The following CCDC57 variants were observed in gnomAD, a reference collection of about 807,000 sequenced individuals.
The protein encoded by CCDC57 is coiled-coil domain containing 57, also known as coiled-coil domain-containing protein 57.
CCDC57 carries 118 observed loss-of-function variants against 118.9 expected under a neutral mutation model. The ratio of observed to expected loss-of-function variants is 0.99; its 90% CI spans 0.86 to 1.16. CCDC57 has a LOEUF of 1.16. CCDC57 is among the 50% of genes most tolerant of loss of function. CCDC57 has a pLI of 0.00. For synonymous variants in CCDC57, 527 were observed against 532.9 expected (o/e 0.99, Z 0.15); for missense variants, 1,300 against 1,320.7 (o/e 0.98, Z 0.24).
intron 19 of CCDC57, chr17:82,107,585 A>G: frequency 2.1e-6 from 1 of 470,816 alleles, no homozygotes; most frequent in Non-Finnish European, 4.4e-6. Context: ...GGATGGGCGG[A>G]TGGAGTTGGT....
At chr17:82,183,014 CACTT>C (rs757907845) in intron 9 of CCDC57, among the ~76,000 whole-genome samples, 3 of 152,186 alleles carry the variant, frequency 2.0e-5, no homozygotes, top group South Asian at 4.1e-4. Flanking sequence ...CATCAGAACT[CACTT>C]ACTATCATAA....
intron 9 of CCDC57, among the ~76,000 whole-genome samples, chr17:82,180,929 C>G (rs567800978): frequency 6.6e-6 from 1 of 152,232 alleles, no homozygotes; most frequent in Non-Finnish European, 1.5e-5. Flanking sequence ...GATGAACACA[C>G]GAGCGGTGCG....
chr17:82,144,569 G>C (rs2040458586), intron 16 of CCDC57, among the ~76,000 whole-genome samples: 1 of 127,150 alleles, frequency 7.9e-6, no homozygotes, highest in African/African-American at 2.9e-5. Flanking sequence ...CAGGCTCCTG[G>C]AAGACCCCAC....
rs546236202 is a variant in CCDC57, at chr17:82,101,605, A to C, written c.*77T>G. On this transcript the variant is annotated 3_prime_UTR_variant, in exon 20 of 20. Transcript: ENST00000665763. ...CTGCACGCTGTGCCCACACCCCCCC[A>C]CAACACGTAGGTGAAAGCACAGGCA... 2.7e-5 allele frequency: 34 copies of C among 1,264,050 alleles called. No homozygotes were observed. In the East Asian group the frequency reaches 2.9e-4, roughly 11 times the overall value. 78.3% of individuals were successfully genotyped at this position (1,264,050 alleles called of 1,614,324 possible).
chr17:82,170,482 T>C (rs927217448), intron 13 of CCDC57, among the ~76,000 whole-genome samples: 1 of 131,890 alleles, frequency 7.6e-6, no homozygotes. Flanking sequence ...CACTCCACCC[T>C]GGGCAACAGA....
In CCDC57 at chr17:82,172,806, T is replaced by A. The variant is rs1211260456; in HGVS notation, c.1561A>T (p.Ile521Phe). The change falls in exon 12 of 20, where the codon ATC becomes TTC. Residue 521 changes from isoleucine to phenylalanine, a missense_variant. Ile to Phe is a conservative substitution (Grantham distance 21). Coordinates refer to ENST00000665763, the Ensembl canonical transcript of CCDC57. This position sits in a 1 kb window ranked among gnomAD's most constrained non-coding sequence, Gnocchi z 5.2. ...GTGTTCTGCTCTCGGAGCCGCTGGATCTCACTGGATGGAAAGTCTTTACTT... is the reference window on the plus strand; with the variant it reads ...GTGTTCTGCTCTCGGAGCCGCTGGAACTCACTGGATGGAAAGTCTTTACTT... 1 of 1,613,614 alleles carries A rather than the reference T, an allele frequency of 6.2e-7. No individual in the cohort carries two copies. Among genetic ancestry groups the A allele is most frequent in the Non-Finnish European group, 8.5e-7 (1 of 1,179,774 alleles).
intron 9 of CCDC57, among the ~76,000 whole-genome samples, chr17:82,182,281 C>CA (rs35054649): frequency 0.25 from 32,167 of 126,982 alleles, 3,931 homozygotes; most frequent in East Asian, 0.45. Context: ...AAGTATTTAA[C>CA]AAAAAAAAAA....
At chr17:82,140,457 C>G (rs9899318) in intron 16 of CCDC57, among the ~76,000 whole-genome samples, 70,643 of 151,530 alleles carry the variant, frequency 0.47, 17,195 homozygotes, top group East Asian at 0.88. Flanking sequence ...CTGACCTCAG[C>G]TGATCCATCG....
intron 2 of CCDC57, 118 bp from the exon 2 acceptor site, chr17:82,202,070 C>T: frequency 9.7e-7 from 1 of 1,033,988 alleles, no homozygotes; most frequent in Non-Finnish European, 1.4e-6. Flanking sequence ...GTGGCTCACA[C>T]CTGTAATCCC....
chr17:82,161,094 A>G (rs1329767497), intron 14 of CCDC57, among the ~76,000 whole-genome samples: 2 of 152,186 alleles, frequency 1.3e-5, no homozygotes, highest in South Asian at 2.1e-4. Context: ...ACCAAGACGC[A>G]CATGAGACGA....
At chr17:82,178,726 C>A in intron 10 of CCDC57, 121 bp from the exon 10 acceptor site, 1 of 1,414,690 alleles carries the variant, frequency 7.1e-7, no homozygotes, top group South Asian at 1.4e-5. Context: ...CCACTGTGGC[C>A]AGGCCGCCAA....
chr17:82,204,906 C>T (rs1444221114), intron 2 of CCDC57, among the ~76,000 whole-genome samples: 5 of 152,222 alleles, frequency 3.3e-5, no homozygotes, highest in African/African-American at 9.6e-5. Context: ...GCTCTGTCTG[C>T]AAGGTTCCTC....
chr17:82,172,661 G>C lies in CCDC57; in HGVS notation c.1706C>G (p.Ala569Gly). 6.4e-7 allele frequency: 1 copy of C among 1,551,812 alleles called. No homozygotes were observed. The highest frequency in any genetic ancestry group is 1.2e-5 in the South Asian group (1 of 84,126). The change falls in exon 12 of 20, where the codon GCT (alanine) becomes GGT (glycine). Residue 569 changes from alanine to glycine, a missense_variant. Physicochemically the swap from Ala to Gly is moderately conservative, Grantham distance 60. Coordinates refer to ENST00000665763, the Ensembl canonical transcript of CCDC57. This position sits in a 1 kb window ranked among gnomAD's most constrained non-coding sequence, Gnocchi z 5.2. ...ACCAGGAGTGGCGGCATCTCCCCCA[G>C]CCTCTGGGTCAGGCTGGTTTGCATC...
intron 19 of CCDC57, chr17:82,127,010 C>T (rs146960942): frequency 3.1e-5 from 31 of 985,304 alleles, no homozygotes; most frequent in African/African-American, 1.2e-4. Flanking sequence ...TTCCCTCCCC[C>T]CTTCTCGCTA....
At chr17:82,119,018 G>A (rs2036290394) in intron 19 of CCDC57, among the ~76,000 whole-genome samples, 1 of 149,160 alleles carries the variant, frequency 6.7e-6, no homozygotes, top group African/African-American at 2.5e-5. Context: ...ATTGCTGAAT[G>A]GTTCTTTCTT....
intron 4 of CCDC57, among the ~76,000 whole-genome samples, chr17:82,196,944 CGTG>C (rs2048375400): frequency 6.9e-6 from 1 of 144,816 alleles, no homozygotes; most frequent in African/African-American, 2.6e-5. Context: ...CGCAGCCCCT[CGTG>C]ACTCCTGCAC....
chr17:82,161,165 A>G (rs557827131), intron 14 of CCDC57, among the ~76,000 whole-genome samples: 2 of 152,202 alleles, frequency 1.3e-5, no homozygotes, highest in African/African-American at 4.8e-5. Context: ...GCCCCACTTC[A>G]CTCCCACCAG....
intron 16 of CCDC57, among the ~76,000 whole-genome samples, chr17:82,150,370 TGCACACCCAGAACCAGGC>T (rs71166194): frequency 0.097 from 1,908 of 19,726 alleles, 10 homozygotes; most frequent in East Asian, 0.2. Context: ...CAGAACCTGG[TGCACACCCAGAACCAGGC>T]GCACACCCAG....
intron 13 of CCDC57, among the ~76,000 whole-genome samples, chr17:82,167,875 C>G (rs1255686578): frequency 6.6e-6 from 1 of 152,224 alleles, no homozygotes; most frequent in Non-Finnish European, 1.5e-5. Flanking sequence ...CTTGGCCTCC[C>G]AAAGTGCTGG....
Sources: allele counts gnomAD v4.1 joint callset (sites outside exome capture counted in the v4.1 genomes callset), GRCh38; gene constraint gnomAD v4.1.1; non-coding constraint Gnocchi (gnomAD v3.1); transcripts MANE v1.5; gene names NCBI Gene and HGNC (gene_info 2026-07-23, HGNC 2026-07-21).